The following SYT14 variants were observed in gnomAD, a reference collection of about 807,000 sequenced individuals.
SYT14 encodes synaptotagmin 14.
A neutral mutation model predicts 74.2 loss-of-function variants in SYT14; 32 were observed. The ratio of observed to expected loss-of-function variants is 0.43; its 90% CI spans 0.33 to 0.58. The LOEUF is 0.58. SYT14 is among the 20% of genes least tolerant of loss of function. SYT14 has a pLI of 0.05. For missense variants in SYT14, 791 were observed against 981.8 expected (o/e 0.81, Z 2.60); for synonymous variants, 298 against 337.7 (o/e 0.88, Z 1.29).
chr1:210,075,604 A>G (rs1175214171), intron 5 of SYT14, among the ~76,000 whole-genome samples: 4 of 152,096 alleles, frequency 2.6e-5, no homozygotes, highest in Admixed American at 2.6e-4. Flanking sequence ...AAGTGCTGGA[A>G]TTACAGGCAT....
At chr1:210,009,779 T>G (rs2080052574) in intron 2 of SYT14, among the ~76,000 whole-genome samples, 1 of 152,148 alleles carries the variant, frequency 6.6e-6, no homozygotes, top group African/African-American at 2.4e-5. Flanking sequence ...AAAACTAAAT[T>G]AATTATCTGT....
chr1:209,984,544 G>A (rs200092561), intron 2 of SYT14, among the ~76,000 whole-genome samples: 10 of 151,956 alleles, frequency 6.6e-5, no homozygotes, highest in African/African-American at 1.9e-4. Flanking sequence ...TTAGTACACT[G>A]TATTCTTTTT....
chr1:210,009,105 G>T (rs2080040650), intron 2 of SYT14, among the ~76,000 whole-genome samples: 1 of 152,204 alleles, frequency 6.6e-6, no homozygotes, highest in Middle Eastern at 3.2e-3. Flanking sequence ...ATCCTGAGCT[G>T]CATATGTCTG....
At chr1:209,950,119 A>T (rs1446638509) in intron 1 of SYT14, among the ~76,000 whole-genome samples, 1 of 152,180 alleles carries the variant, frequency 6.6e-6, no homozygotes, top group Non-Finnish European at 1.5e-5. Context: ...TAATCAATTT[A>T]TATTAAATAC....
At chr1:209,950,745 C>T (rs1198692797) in intron 1 of SYT14, among the ~76,000 whole-genome samples, 1 of 152,060 alleles carries the variant, frequency 6.6e-6, no homozygotes. Flanking sequence ...ATGGTTTTTA[C>T]TTCTCATGTT....
chr1:210,035,806 T>C (rs2080648294), intron 5 of SYT14, among the ~76,000 whole-genome samples: 1 of 152,116 alleles, frequency 6.6e-6, no homozygotes, highest in Admixed American at 6.6e-5. Flanking sequence ...TTGGTTATTA[T>C]AGCCTTACAG....
Position 209,948,033 on chromosome 1 carries a change from C to T in SYT14, c.-533-4676C>T, listed in dbSNP as rs138322803. 3.6e-3 allele frequency among the ~76,000 whole-genome samples: 544 copies of T among 152,274 alleles called. 5 individuals carry two copies. The highest frequency in any genetic ancestry group is 0.013 in the African/African-American group (530 of 41,544). On this transcript the variant is annotated intron_variant, in intron 1 of 9. Transcript: ENST00000637265. ...CATTTTTTAAGATACAATGATATTG[C>T]ACACTTAATAGACTACAGTCTAGTG...
chr1:210,141,071 C>G (rs2082905563), intron 7 of SYT14, among the ~76,000 whole-genome samples: 1 of 150,412 alleles, frequency 6.6e-6, no homozygotes, highest in African/African-American at 2.4e-5. Context: ...AAAAGAAGGC[C>G]ATAGCAATTT....
chr1:210,154,146 AAT>A (rs1484754169), intron 7 of SYT14, among the ~76,000 whole-genome samples: 1 of 152,136 alleles, frequency 6.6e-6, no homozygotes, highest in Non-Finnish European at 1.5e-5. Flanking sequence ...AAAGGCTTTT[AAT>A]TACAAATTCA....
intron 5 of SYT14, among the ~76,000 whole-genome samples, chr1:210,030,054 A>G (rs1488428563): frequency 1.3e-5 from 2 of 152,202 alleles, no homozygotes; most frequent in South Asian, 2.1e-4. Context: ...ATTGTTCATT[A>G]TTAGTGTATA....
intron 7 of SYT14, among the ~76,000 whole-genome samples, chr1:210,136,430 G>A (rs2082787968): frequency 6.6e-6 from 1 of 152,140 alleles, no homozygotes; most frequent in South Asian, 2.1e-4. Context: ...ATTTACCCGA[G>A]AAGTATAACT....
intron 7 of SYT14, among the ~76,000 whole-genome samples, chr1:210,104,303 G>C (rs2082121873): frequency 6.6e-6 from 1 of 152,196 alleles, no homozygotes; most frequent in South Asian, 2.1e-4. Context: ...CTTCATTCTT[G>C]AGAAGCTTAA....
chr1:210,048,579 G>A (rs1402347683), intron 5 of SYT14, among the ~76,000 whole-genome samples: 1 of 152,168 alleles, frequency 6.6e-6, no homozygotes, highest in Admixed American at 6.5e-5. Flanking sequence ...CCCATCGAGT[G>A]CCTCCCATGT....
exon 10 of SYT14, chr1:210,163,737 G>A (rs938619323): frequency 8.9e-6 from 4 of 450,386 alleles, no homozygotes; most frequent in African/African-American, 2.0e-5. Flanking sequence ...TTTAGAAAAG[G>A]ATTAAATAAG....
exon 10 of SYT14, chr1:210,163,736 G>A (rs561065495): frequency 1.1e-4 from 51 of 451,100 alleles, no homozygotes; most frequent in South Asian, 7.6e-4. Context: ...TTTTAGAAAA[G>A]GATTAAATAA....
At chr1:210,003,100 A>C (rs1221872062) in intron 2 of SYT14, among the ~76,000 whole-genome samples, 1 of 152,152 alleles carries the variant, frequency 6.6e-6, no homozygotes, top group Non-Finnish European at 1.5e-5. Flanking sequence ...TAGTCTATCT[A>C]GAATTGGTTT....
chr1:210,056,979 G>C (rs2081111553), intron 5 of SYT14, among the ~76,000 whole-genome samples: 1 of 151,792 alleles, frequency 6.6e-6, no homozygotes, highest in Non-Finnish European at 1.5e-5. Flanking sequence ...TGAGTAGCTG[G>C]GATTACAGGC....
Position 209,990,560 on chromosome 1 carries a change from C to T in SYT14, c.-485-23073C>T, listed in dbSNP as rs890270788. ...ATACGTATATATATGTATATATATA[C>T]GTATATATATGTATGTATATTTCTT... On this transcript the variant is annotated intron_variant, in intron 2 of 9. Transcript: ENST00000637265. Among the ~76,000 whole-genome samples, 76 of 33,018 alleles carry T rather than the reference C, an allele frequency of 2.3e-3. 3 individuals carry two copies. The highest frequency in any genetic ancestry group is 9.0e-3 in the African/African-American group (72 of 8,024). 21.7% of individuals were successfully genotyped at this position (33,018 alleles called of 152,430 possible). A position where few individuals can be genotyped will look rare whatever the true frequency, so the allele number is the denominator to read the frequency against.
chr1:210,085,643 A>G (rs779394075), intron 5 of SYT14, among the ~76,000 whole-genome samples: 6 of 152,148 alleles, frequency 3.9e-5, no homozygotes, highest in Non-Finnish European at 7.4e-5. Flanking sequence ...TACTTTTTAT[A>G]TTTGTTCTTT....
Sources: allele counts gnomAD v4.1 joint callset (sites outside exome capture counted in the v4.1 genomes callset), GRCh38; gene constraint gnomAD v4.1.1; transcripts MANE v1.5; gene names NCBI Gene and HGNC (gene_info 2026-07-23, HGNC 2026-07-21).